The following SPTAN1 variants were observed in gnomAD, a reference collection of about 807,000 sequenced individuals.
SPTAN1 encodes spectrin alpha, non-erythrocytic 1, also known as spectrin alpha chain, non-erythrocytic 1.
SPTAN1 carries 61 observed loss-of-function variants against 331.3 expected under a neutral mutation model. That is an observed-to-expected ratio of 0.18 (90% CI 0.15 to 0.23). The LOEUF is 0.23. Among genes scored for constraint, SPTAN1 ranks in the 10% least tolerant of loss-of-function variants. The pLI is 1.00. For missense variants in SPTAN1, 2,043 were observed against 3,147.9 expected, an observed-to-expected ratio of 0.65 and a Z score of 8.40; for synonymous variants, 1,153 against 1,173.9, an observed-to-expected ratio of 0.98 and a Z score of 0.36.
chr9:128,589,650 A>G (rs371871130), intron 21 of SPTAN1, among the ~76,000 whole-genome samples: 1 of 140,004 alleles, frequency 7.1e-6, no homozygotes, highest in African/African-American at 2.7e-5. Context: ...ATCTCAGCTC[A>G]CTACAAGCTC....
intron 52 of SPTAN1, chr9:128,630,763 G>C (rs1476572590): frequency 3.8e-6 from 1 of 262,504 alleles, no homozygotes; most frequent in Non-Finnish European, 7.5e-6. Flanking sequence ...GAGTGCAATG[G>C]ACGTGGTCTT....
At chr9:128,588,382 G>C (rs1436462675) in intron 20 of SPTAN1, among the ~76,000 whole-genome samples, 1 of 134,696 alleles carries the variant, frequency 7.4e-6, no homozygotes, top group Non-Finnish European at 1.5e-5. Context: ...CCTGATCTTG[G>C]CTCACCGCAA....
chr9:128,618,193 G>T, intron 43 of SPTAN1, 85 bp downstream of exon 43: 2 of 1,578,810 alleles, frequency 1.3e-6, no homozygotes, highest in Non-Finnish European at 8.6e-7. Context: ...GGTCCAGTGG[G>T]CCCTCCTACT....
At chr9:128,588,012 A>AAT (rs1199004853) in intron 20 of SPTAN1, among the ~76,000 whole-genome samples, 1 of 31,346 alleles carries the variant, frequency 3.2e-5, no homozygotes, top group Non-Finnish European at 7.4e-5. Context: ...TGCCCAGCTA[A>AAT]ATTTTTTTTT....
At chr9:128,589,178 A>G (rs1853091635) in intron 21 of SPTAN1, among the ~76,000 whole-genome samples, 1 of 152,052 alleles carries the variant, frequency 6.6e-6, no homozygotes, top group African/African-American at 2.4e-5. Context: ...ACTCAGAAGG[A>G]TAGCTTATTT....
chr9:128,591,394 G>A lies in SPTAN1; in HGVS notation c.3007-83G>A, dbSNP rs903823391. The A allele has an allele frequency of 4.8e-5, 75 of 1,568,268 alleles. 1 individual carries two copies. The Middle Eastern group carries it at 5.1e-4, about 11-fold the overall frequency. On this transcript the variant is annotated intron_variant, in intron 21 of 56. Transcript: ENST00000372739. ...TTGGACCTCTTAAAACAACGCTCTCGTGTGTGTGTATACACGTGACCTCCT... is the reference window on the plus strand; with the variant it reads ...TTGGACCTCTTAAAACAACGCTCTCATGTGTGTGTATACACGTGACCTCCT...
chr9:128,624,826 T>C, intron 46 of SPTAN1: 1 of 571,618 alleles, frequency 1.7e-6, no homozygotes. Flanking sequence ...AGCTCCTGGG[T>C]GAGGGAAAAC....
chr9:128,617,540 G>A, intron 41 of SPTAN1, 100 bp from the exon 42 acceptor site: 2 of 1,571,294 alleles, frequency 1.3e-6, no homozygotes, highest in Middle Eastern at 1.7e-4. Context: ...TTCCCAGAAA[G>A]ATTAGTAGAT....
Position 128,607,700 on chromosome 9 carries a change from C to T in SPTAN1, c.4143C>T (p.His1381=), listed in dbSNP as rs759619994. 1.2e-6 allele frequency: 2 copies of T among 1,614,066 alleles called. No individual in the cohort carries two copies. The highest frequency in any genetic ancestry group is 2.2e-5 in the South Asian group (2 of 91,072). ...VTGAEALLER[H]QEHRTEIDAR... is the part of the protein sequence containing the mutation. ...GAGCTGAGGCATTGCTGGAGCGACA[C>T]CAGGTGGGTGGACCTGCCTGCTGAG... Residue 1381 remains histidine (H), a synonymous_variant, in exon 32 of 57, where the codon CAC becomes CAT. Transcript: ENST00000372739.
intron 34 of SPTAN1, among the ~76,000 whole-genome samples, chr9:128,608,616 G>T (rs1034502282): frequency 2.0e-5 from 3 of 152,262 alleles, no homozygotes; most frequent in Admixed American, 2.0e-4. Flanking sequence ...GCTTAATTTT[G>T]TTCTGTTCTG....
chr9:128,632,024 C>T, intron 52 of SPTAN1, 103 bp from the exon 53 acceptor site: 1 of 1,278,740 alleles, frequency 7.8e-7, no homozygotes, highest in Non-Finnish European at 1.1e-6. Flanking sequence ...TACGAGGTCT[C>T]AGGCCAGGCC....
intron 1 of SPTAN1, among the ~76,000 whole-genome samples, chr9:128,558,483 AG>A (rs1260968847): frequency 6.6e-6 from 1 of 152,202 alleles, no homozygotes; most frequent in African/African-American, 2.4e-5. Flanking sequence ...GCAAAATCAG[AG>A]ACAGTTGGCT....
At chr9:128,559,523 C>T (rs1344114646) in intron 1 of SPTAN1, among the ~76,000 whole-genome samples, 1 of 152,164 alleles carries the variant, frequency 6.6e-6, no homozygotes, top group African/African-American at 2.4e-5. Context: ...CTTTCAGGAG[C>T]TCGTGTGCAG....
chr9:128,625,504 G>A lies in SPTAN1; in HGVS notation c.6070-265G>A, dbSNP rs1176164813. On this transcript the variant is annotated intron_variant, in intron 47 of 56. Transcript: ENST00000372739. This position sits in a 1 kb window ranked among gnomAD's most constrained non-coding sequence, Gnocchi z 4.1. ...TGAAAACGGTCAGGGAGAGAGGCAG[G>A]GCGAGTGTTCTGGGCAGAGCTGGCA... Among the ~76,000 whole-genome samples the A allele has an allele frequency of 6.6e-6, 1 of 152,192 alleles. No individual in the cohort carries two copies.
At chr9:128,560,115 G>A (rs1849129672) in intron 1 of SPTAN1, among the ~76,000 whole-genome samples, 1 of 109,380 alleles carries the variant, frequency 9.1e-6, no homozygotes, top group African/African-American at 3.6e-5. Flanking sequence ...ACAGAGTCTC[G>A]CTCTGTCGCC....
At chr9:128,617,585 C>G (rs963351408) in intron 41 of SPTAN1, 55 bp from the exon 42 acceptor site, 2 of 1,613,322 alleles carry the variant, frequency 1.2e-6, no homozygotes, top group Non-Finnish European at 1.7e-6. Context: ...GATGTCCCCA[C>G]TTGAAAGCAG....
At chr9:128,568,725 G>A (rs772615544) in intron 2 of SPTAN1, 47 bp from the exon 3 acceptor site, 1 of 1,611,928 alleles carries the variant, frequency 6.2e-7, no homozygotes, top group South Asian at 1.1e-5. Context: ...ACAAAATGCT[G>A]ATGCTGTGTG....
chr9:128,571,159 G>A (rs1056646081), intron 3 of SPTAN1, among the ~76,000 whole-genome samples: 3 of 152,104 alleles, frequency 2.0e-5, no homozygotes, highest in African/African-American at 7.2e-5. Flanking sequence ...GCGTGGTGGT[G>A]CACACCTGTA....
chr9:128,588,310 A>ATTTTTT (rs386416287), intron 20 of SPTAN1, among the ~76,000 whole-genome samples: 3 of 114,720 alleles, frequency 2.6e-5, no homozygotes, highest in African/African-American at 3.5e-5. Flanking sequence ...TTAAAATGAG[A>ATTTTTT]TTTTTTTTTT....
Sources: gnomAD v4.1 joint callset for allele counts (sites outside exome capture counted in the v4.1 genomes callset) on GRCh38, gnomAD v4.1.1 for gene constraint, Gnocchi (gnomAD v3.1) non-coding constraint, MANE v1.5 for transcripts, NCBI Gene and HGNC (gene_info 2026-07-23, HGNC 2026-07-21) for gene names.